Variants in IL23R observed in about 807,000 individuals in gnomAD.
IL23R encodes the protein interleukin-23 receptor.
A neutral mutation model predicts 56.9 loss-of-function variants in IL23R; 34 were observed. That is an observed-to-expected ratio of 0.60 (90% CI 0.45 to 0.80). IL23R has a LOEUF of 0.80. Among genes scored for constraint, IL23R ranks in the 30% least tolerant of loss-of-function variants. IL23R has a pLI of 0.00. For missense variants in IL23R, 635 were observed against 730.0 expected (o/e 0.87, Z 1.50); for synonymous variants, 230 against 249.2 (o/e 0.92, Z 0.73).
At chr1:67,174,748 T>G (rs2102564585) in intron 3 of IL23R, among the ~76,000 whole-genome samples, 1 of 152,268 alleles carries the variant, frequency 6.6e-6, no homozygotes, top group Admixed American at 6.5e-5. Context: ...TTGTTGGGGT[T>G]TCATAGGCTT....
chr1:67,205,353 TAAAG>T (rs1193848269), intron 5 of IL23R, among the ~76,000 whole-genome samples: 4 of 152,230 alleles, frequency 2.6e-5, no homozygotes, highest in South Asian at 2.1e-4. Flanking sequence ...ATAATTTTCT[TAAAG>T]AAAGTTTTAT....
At chr1:67,169,973 C>T (rs11465782) in intron 3 of IL23R, among the ~76,000 whole-genome samples, 177 of 152,294 alleles carry the variant, frequency 1.2e-3, no homozygotes, top group Non-Finnish European at 1.9e-3. Context: ...CTACCCTGAA[C>T]GAACACTGCA....
chr1:67,200,672 A>G (rs1648561560), intron 4 of IL23R, 65 bp from the exon 5 acceptor site: 9 of 1,541,436 alleles, frequency 5.8e-6, no homozygotes, highest in Non-Finnish European at 8.0e-6. Context: ...GGTGTGAGCC[A>G]CCATGCCTGG....
At chr1:67,226,148 C>A (rs571379665) in intron 7 of IL23R, among the ~76,000 whole-genome samples, 6 of 152,304 alleles carry the variant, frequency 3.9e-5, no homozygotes, top group African/African-American at 1.4e-4. Context: ...CCTTGGGGCT[C>A]CAGCCCCACA....
At chr1:67,238,236 T>C (rs1295301695) in intron 8 of IL23R, among the ~76,000 whole-genome samples, 5 of 150,726 alleles carry the variant, frequency 3.3e-5, no homozygotes, top group Non-Finnish European at 5.9e-5. Context: ...TAGTCCCAGC[T>C]ACTTGGGAGG....
intron 8 of IL23R, among the ~76,000 whole-genome samples, chr1:67,238,974 A>G (rs1651679934): frequency 6.6e-6 from 1 of 152,172 alleles, no homozygotes; most frequent in Admixed American, 6.5e-5. Context: ...GGGCAAACAC[A>G]GTGTCTGCCA....
intron 6 of IL23R, among the ~76,000 whole-genome samples, chr1:67,215,213 C>T (rs1395418287): frequency 1.3e-5 from 2 of 152,160 alleles, no homozygotes; most frequent in Admixed American, 6.5e-5. Context: ...GTCTGCGGCT[C>T]GTCCTGCTAC....
intron 1 of IL23R, among the ~76,000 whole-genome samples, 152 bp downstream of exon 1, chr1:67,166,693 A>G (rs1056869695): frequency 1.3e-5 from 2 of 152,186 alleles, no homozygotes; most frequent in African/African-American, 4.8e-5. Flanking sequence ...ATGGCATCAC[A>G]TTACTTTAAA....
At chr1:67,235,403 T>G (rs901203501) in intron 7 of IL23R, among the ~76,000 whole-genome samples, 5 of 151,772 alleles carry the variant, frequency 3.3e-5, no homozygotes, top group African/African-American at 1.2e-4. Flanking sequence ...TTTCTTTTTT[T>G]TTTTTTGTGA....
At chr1:67,233,067 G>T (rs1252122107) in intron 7 of IL23R, among the ~76,000 whole-genome samples, 5 of 151,744 alleles carry the variant, frequency 3.3e-5, no homozygotes, top group South Asian at 2.1e-4. Context: ...TCCCAGTTTT[G>T]TCCAGGTGCG....
At chr1:67,251,185 G>A (rs1652583439) in intron 9 of IL23R, among the ~76,000 whole-genome samples, 1 of 152,208 alleles carries the variant, frequency 6.6e-6, no homozygotes, top group South Asian at 2.1e-4. Flanking sequence ...AGGCGCAGTG[G>A]CTCATGCCTG....
chr1:67,199,026 AT>A (rs1406883075), intron 4 of IL23R, among the ~76,000 whole-genome samples: 4 of 151,852 alleles, frequency 2.6e-5, no homozygotes, highest in Non-Finnish European at 5.9e-5. Context: ...TAGCCTTTTG[AT>A]TTTTCCACTA....
chr1:67,206,884 CTTTTTTTTTTTT>C lies in IL23R; in HGVS notation c.653-16_653-5del. 1 of 1,188,942 alleles carries C rather than the reference CTTTTTTTTTTTT, an allele frequency of 8.4e-7. No homozygotes were observed. The highest frequency in any genetic ancestry group is 1.1e-6 in the Non-Finnish European group (1 of 926,238). 73.6% of individuals were successfully genotyped at this position (1,188,942 alleles called of 1,614,324 possible). On this transcript the variant is annotated splice_polypyrimidine_tract_variant and intron_variant, in intron 5 of 10. Coordinates refer to ENST00000347310, the MANE Select transcript of IL23R (RefSeq NM_144701.3). ...CTAGGCAAGTTTTAAACAGCCAGGT[CTTTTTTTTTTTT>C]TTTTTTTTTCTAGTGATACCTTCTG...
chr1:67,189,117 T>C (rs1647561001), intron 4 of IL23R, among the ~76,000 whole-genome samples: 1 of 152,110 alleles, frequency 6.6e-6, no homozygotes, highest in Non-Finnish European at 1.5e-5. Context: ...GCATGTGCTC[T>C]AATAGAAAGA....
intron 7 of IL23R, among the ~76,000 whole-genome samples, chr1:67,220,858 C>A (rs750498894): frequency 6.6e-6 from 1 of 152,200 alleles, no homozygotes; most frequent in Non-Finnish European, 1.5e-5. Context: ...CCTGCCTCAG[C>A]CTCCCAAGTG....
At chr1:67,173,105 T>C (rs1042592746) in intron 3 of IL23R, among the ~76,000 whole-genome samples, 3 of 152,038 alleles carry the variant, frequency 2.0e-5, no homozygotes, top group Non-Finnish European at 4.4e-5. Context: ...AGCAAAAACA[T>C]AAGCCCCCTT....
At chr1:67,228,121 T>C (rs1570891596) in intron 7 of IL23R, among the ~76,000 whole-genome samples, 3 of 138,692 alleles carry the variant, frequency 2.2e-5, no homozygotes, top group Non-Finnish European at 3.1e-5. Context: ...TCTTTCTTTC[T>C]TTCTTTCCTT....
chr1:67,192,174 A>C (rs1344104611), intron 4 of IL23R, among the ~76,000 whole-genome samples: 1 of 152,250 alleles, frequency 6.6e-6, no homozygotes, highest in Non-Finnish European at 1.5e-5. Context: ...GCTCAAAGCC[A>C]GAGTGATTGT....
intron 7 of IL23R, 146 bp from the exon 8 acceptor site, chr1:67,236,567 A>G: frequency 1.5e-6 from 1 of 663,748 alleles, no homozygotes; most frequent in Non-Finnish European, 2.8e-6. Flanking sequence ...ATACTCGAAG[A>G]CTATTGCTTT....
Sources: gnomAD v4.1 joint callset for allele counts (sites outside exome capture counted in the v4.1 genomes callset) on GRCh38, gnomAD v4.1.1 for gene constraint, MANE v1.5 for transcripts, NCBI Gene and HGNC (gene_info 2026-07-23, HGNC 2026-07-21) for gene names.